The following ABL2 variants were observed in gnomAD, a reference collection of about 807,000 sequenced individuals.
ABL2 encodes ABL proto-oncogene 2, non-receptor tyrosine kinase, also known as tyrosine-protein kinase ABL2.
A neutral mutation model predicts 107.7 loss-of-function variants in ABL2; 49 were observed. The observed-to-expected ratio is 0.45, with a 90% CI of 0.36 to 0.58. ABL2 has a LOEUF of 0.58. Among genes scored for constraint, ABL2 ranks in the 20% least tolerant of loss-of-function variants. The pLI is 0.00. For missense variants in ABL2, 1,245 were observed against 1,457.0 expected, an observed-to-expected ratio of 0.85 and a Z score of 2.37; for synonymous variants, 549 against 548.6, an observed-to-expected ratio of 1.00 and a Z score of -0.01.
intron 1 of ABL2, among the ~76,000 whole-genome samples, chr1:179,205,708 T>C (rs529385580): frequency 6.6e-6 from 1 of 152,226 alleles, no homozygotes; most frequent in Admixed American, 6.5e-5. Context: ...TCCACTGAGA[T>C]TAGGGAGGGC....
Position 179,158,809 on chromosome 1 carries a change from G to A in ABL2, c.158-25435C>T, listed in dbSNP as rs28914493. Among the ~76,000 whole-genome samples the A allele has an allele frequency of 2.3e-3, 352 of 152,222 alleles. 1 individual carries two copies. Among genetic ancestry groups the A allele is most frequent in the African/African-American group, 8.2e-3 (342 of 41,538 alleles). On this transcript the variant is annotated intron_variant, in intron 1 of 11. Transcript: ENST00000502732. Reference sequence around the variant, plus strand: ...CTATACCAACTATGATTTGTCCCTAGAGTGCAAGGTTAGTTCAACATATGG... The same window carrying A: ...CTATACCAACTATGATTTGTCCCTAAAGTGCAAGGTTAGTTCAACATATGG...
chr1:179,123,311 C>T (rs1255616948), intron 4 of ABL2, among the ~76,000 whole-genome samples: 2 of 152,044 alleles, frequency 1.3e-5, no homozygotes, highest in African/African-American at 2.4e-5. Context: ...TTGAGACCAG[C>T]TTGGCCATCA....
chr1:179,177,043 C>A (rs898632241), intron 1 of ABL2, among the ~76,000 whole-genome samples: 3 of 152,086 alleles, frequency 2.0e-5, no homozygotes, highest in African/African-American at 7.2e-5. Flanking sequence ...AAGAGGTACA[C>A]TTCTTTTTTG....
intron 1 of ABL2, among the ~76,000 whole-genome samples, chr1:179,170,028 AAAC>A (rs911589489): frequency 2.1e-4 from 32 of 152,286 alleles, no homozygotes; most frequent in African/African-American, 6.0e-4. Flanking sequence ...CTGTCTCAAA[AAAC>A]AACAACAACA....
chr1:179,164,236 A>C (rs1444415005), intron 1 of ABL2, among the ~76,000 whole-genome samples: 3 of 152,226 alleles, frequency 2.0e-5, no homozygotes, highest in African/African-American at 7.2e-5. Context: ...AATGTGTTGA[A>C]GCACATTTTC....
intron 1 of ABL2, among the ~76,000 whole-genome samples, chr1:179,206,815 T>C (rs1661996580): frequency 6.6e-6 from 1 of 152,164 alleles, no homozygotes; most frequent in Non-Finnish European, 1.5e-5. Flanking sequence ...AACTCAGCCA[T>C]TTAGCAGCAG....
rs773207546 is a variant in ABL2, at chr1:179,133,321, T to C, written c.211A>G (p.Ser71Gly). 9 of 1,614,072 alleles carry C rather than the reference T, an allele frequency of 5.6e-6. No individual in the cohort carries two copies. In the East Asian group the frequency reaches 1.8e-4, roughly 32 times the overall value. ...TCTCAACATCTCTCACCTGGACTAC[T>C]GCCTCCAGTCTTGTCTCCCTCAAAT... Reference protein sequence around the residue: ...DGFEGDKTGGSSPEALHRPYG... With the variant: ...DGFEGDKTGGGSPEALHRPYG... Residue 71 changes from serine (S) to glycine (G), a missense_variant, in exon 2 of 12, where the codon AGT becomes GGT. This residue lies in a region of ABL2 where 164 missense variants were observed against 143.7 expected (regional missense o/e 1.14). Coordinates refer to ENST00000502732, the MANE Select transcript of ABL2 (RefSeq NM_007314.4).
rs763102375 is a variant in ABL2 at position 179,117,326 on chromosome 1, C to T, written c.1408+6G>A. On this transcript the variant is annotated splice_donor_region_variant and intron_variant, in intron 8 of 11. Coordinates refer to ENST00000502732, the MANE Select transcript of ABL2 (RefSeq NM_007314.4). ...TGACACAGAAAAAAGTCCCTTTCAA[C>T]CTTACCCCAGACGTCAGATTTAATT... 1 of 1,613,812 alleles carries T rather than the reference C, an allele frequency of 6.2e-7. No homozygotes were observed. Among genetic ancestry groups the T allele is most frequent in the Non-Finnish European group, 8.5e-7 (1 of 1,179,866 alleles).
rs3046363 is a variant in ABL2 at position 179,229,632 on chromosome 1, ACGCCGCCGCCGCCGCCGCCGC to A, written c.-256_-236del. On this transcript the variant is annotated 5_prime_UTR_variant, in exon 1 of 12. Coordinates refer to ENST00000502732, the MANE Select transcript of ABL2 (RefSeq NM_007314.4). The stretch of plus-strand genomic sequence containing the variant: ...CTCCTGTCGCGGCTCCGCGCCCCCA[ACGCCGCCGCCGCCGCCGCCGC>A]CACCGCCGCCGCCATCTTTAAACCA... 6.9e-5 allele frequency: 31 copies of A among 451,716 alleles called. No individual in the cohort carries two copies. Among genetic ancestry groups the A allele is most frequent in the African/African-American group, 2.4e-4 (11 of 45,498 alleles). 28.0% of individuals were successfully genotyped at this position (451,716 alleles called of 1,614,324 possible).
intron 1 of ABL2, among the ~76,000 whole-genome samples, chr1:179,206,151 T>C (rs1057402625): frequency 6.6e-6 from 1 of 152,196 alleles, no homozygotes; most frequent in Non-Finnish European, 1.5e-5. Context: ...TTATACATTA[T>C]AATGTATACA....
At chr1:179,133,432 A>T in intron 1 of ABL2, 58 bp from the exon 2 acceptor site, 4 of 1,613,592 alleles carry the variant, frequency 2.5e-6, no homozygotes, top group Non-Finnish European at 3.4e-6. Context: ...ATAGTTTAAC[A>T]TCAAGCTAAA....
At chr1:179,195,154 A>G (rs1435036952) in intron 1 of ABL2, among the ~76,000 whole-genome samples, 1 of 151,992 alleles carries the variant, frequency 6.6e-6, no homozygotes, top group Admixed American at 6.6e-5. Context: ...CGGGCATGGC[A>G]GTGCATTCCT....
In ABL2 at chr1:179,099,857, A is replaced by G; in HGVS notation, c.*7861T>C. ...TCAGACTGCAGAGAAGGAAAAGTGC[A>G]GGGTCTGGGAGGAGATGGAGGTTCT... On this transcript the variant is annotated 3_prime_UTR_variant, in exon 12 of 12. Coordinates refer to ENST00000502732, the MANE Select transcript of ABL2 (RefSeq NM_007314.4). The G allele has an allele frequency of 4.3e-6, 1 of 232,436 alleles. No individual in the cohort carries two copies. The highest frequency in any genetic ancestry group is 8.5e-6 in the Non-Finnish European group (1 of 117,524). The allele number at this position is 232,436 out of a possible 1,614,324, so 14.4% of individuals were successfully genotyped here.
intron 1 of ABL2, among the ~76,000 whole-genome samples, chr1:179,207,229 T>C (rs1020171339): frequency 2.0e-5 from 3 of 151,350 alleles, no homozygotes; most frequent in African/African-American, 7.3e-5. Flanking sequence ...AATAAGAAGG[T>C]ATTTTAGGAT....
intron 1 of ABL2, among the ~76,000 whole-genome samples, chr1:179,202,670 A>G (rs1375824596): frequency 6.6e-6 from 1 of 152,176 alleles, no homozygotes; most frequent in Non-Finnish European, 1.5e-5. Flanking sequence ...TTTTTCCCCT[A>G]CAATCACTTC....
Position 179,099,967 on chromosome 1 carries a change from C to T in ABL2, c.*7751G>A, listed in dbSNP as rs561793550. 4.3e-5 allele frequency: 10 copies of T among 232,176 alleles called. No homozygotes were observed. Among genetic ancestry groups the T allele is most frequent in the African/African-American group, 6.6e-5 (3 of 45,380 alleles). 14.4% of individuals were successfully genotyped at this position (232,176 alleles called of 1,614,324 possible). On this transcript the variant is annotated 3_prime_UTR_variant, in exon 12 of 12. Transcript: ENST00000502732. Reference sequence around the variant, plus strand: ...CTGTTCATCCAAGGAAAGATCTGAGCGATTCCTCTTTTACTTACTCCCCCT... The same window carrying T: ...CTGTTCATCCAAGGAAAGATCTGAGTGATTCCTCTTTTACTTACTCCCCCT...
At chr1:179,168,268 G>C (rs999661566) in intron 1 of ABL2, among the ~76,000 whole-genome samples, 1 of 151,992 alleles carries the variant, frequency 6.6e-6, no homozygotes, top group African/African-American at 2.4e-5. Flanking sequence ...AAAATAGCAT[G>C]GTATTTGCAC....
intron 10 of ABL2, 74 bp from the exon 11 acceptor site, chr1:179,110,529 C>A: frequency 6.5e-7 from 1 of 1,539,730 alleles, no homozygotes; most frequent in Non-Finnish European, 8.7e-7. Flanking sequence ...TCAGAAAAGG[C>A]ACACAACTGA....
intron 1 of ABL2, among the ~76,000 whole-genome samples, chr1:179,145,095 A>G (rs1426989179): frequency 2.0e-5 from 3 of 152,214 alleles, no homozygotes; most frequent in Non-Finnish European, 4.4e-5. Flanking sequence ...ATGTTGATAT[A>G]TGCTACAATG....
Sources: allele counts gnomAD v4.1 joint callset (sites outside exome capture counted in the v4.1 genomes callset), GRCh38; gene constraint gnomAD v4.1.1; regional missense constraint gnomAD v4.1.1; transcripts MANE v1.5; gene names NCBI Gene and HGNC (gene_info 2026-07-23, HGNC 2026-07-21).